Variants in PLOD2 observed in about 807,000 individuals in gnomAD.
PLOD2 encodes the protein lysine hydroxylase 2.
PLOD2 carries 65 observed loss-of-function variants against 101.0 expected under a neutral mutation model. The observed-to-expected ratio is 0.64, with a 90% CI of 0.53 to 0.79. The LOEUF (loss-of-function observed/expected upper bound fraction) is 0.79, where lower values mean the gene tolerates loss of function less well. Ranked by LOEUF, PLOD2 falls within the 30% of genes least tolerant of loss-of-function variation. The pLI, the probability that PLOD2 is intolerant of heterozygous loss-of-function variation, is 0.00. For missense variants in PLOD2, 909 were observed against 914.6 expected (o/e 0.99, Z 0.08); for synonymous variants, 314 against 302.9 (o/e 1.04, Z -0.38).
chr3:146,133,189 TA>T (rs1379286436), intron 1 of PLOD2, among the ~76,000 whole-genome samples: 1 of 151,954 alleles, frequency 6.6e-6, no homozygotes, highest in African/African-American at 2.4e-5. Flanking sequence ...AAAATAAAAA[TA>T]AAAGGCTCCA....
chr3:146,123,600 GCAAA>G (rs1364999935), intron 2 of PLOD2, among the ~76,000 whole-genome samples: 2 of 151,884 alleles, frequency 1.3e-5, no homozygotes, highest in African/African-American at 4.8e-5. Context: ...CTAATTCCCT[GCAAA>G]CAAAGAATCA....
intron 1 of PLOD2, among the ~76,000 whole-genome samples, chr3:146,155,014 T>G (rs2032231899): frequency 1.3e-5 from 2 of 152,250 alleles, no homozygotes; most frequent in African/African-American, 4.8e-5. Context: ...AAACAAAAAC[T>G]TATTTGAAGA....
chr3:146,072,228 A>G (rs1362939664), intron 17 of PLOD2, among the ~76,000 whole-genome samples: 3 of 150,938 alleles, frequency 2.0e-5, no homozygotes, highest in African/African-American at 7.3e-5. Flanking sequence ...TGAAAACGCA[A>G]GGAATAAAAA....
chr3:146,089,252 T>C (rs774042601), intron 8 of PLOD2, among the ~76,000 whole-genome samples: 7 of 151,482 alleles, frequency 4.6e-5, no homozygotes, highest in Non-Finnish European at 8.9e-5. Flanking sequence ...ATATATCTTA[T>C]CTTAATGTAT....
At chr3:146,158,924 C>T (rs763387784) in intron 1 of PLOD2, among the ~76,000 whole-genome samples, 1 of 152,078 alleles carries the variant, frequency 6.6e-6, no homozygotes, top group Non-Finnish European at 1.5e-5. Context: ...AATTTAGGGT[C>T]CTATAGAAGA....
chr3:146,120,285 G>T (rs1482670153), intron 3 of PLOD2, among the ~76,000 whole-genome samples: 1 of 151,990 alleles, frequency 6.6e-6, no homozygotes, highest in Non-Finnish European at 1.5e-5. Context: ...CTTTTTGATG[G>T]CCCTATTTGT....
At chr3:146,106,125 T>C (rs1937531189) in intron 5 of PLOD2, among the ~76,000 whole-genome samples, 1 of 152,214 alleles carries the variant, frequency 6.6e-6, no homozygotes, top group African/African-American at 2.4e-5. Context: ...ACCTATTCTG[T>C]TATTTTAAGG....
rs1037830967 is a variant in PLOD2 at position 146,160,963 on chromosome 3, C to T, written c.27G>A (p.Gln9=). MGGCTVKP[Q]LLLLALVLHP... is the part of the protein sequence containing the mutation. ...GGAGGACGAGCGCCAGGAGCAGCAG[C>T]TGAGGCTTCACCGTGCATCCCCCCA... The change falls in exon 1 of 20, where the codon CAG becomes CAA. Residue 9 remains glutamine (Q), a synonymous_variant. Transcript: ENST00000282903. 1.3e-6 allele frequency: 2 copies of T among 1,596,442 alleles called. No homozygotes were observed. The highest frequency in any genetic ancestry group is 3.4e-5 in the Admixed American group (2 of 58,074).
chr3:146,092,393 G>GT (rs1164992354), intron 7 of PLOD2, among the ~76,000 whole-genome samples: 1 of 151,944 alleles, frequency 6.6e-6, no homozygotes, highest in Non-Finnish European at 1.5e-5. Flanking sequence ...AGTAAGCTTT[G>GT]TCACCAAAAG....
rs542279040 is a variant in PLOD2, at chr3:146,108,716, A to C, written c.502+1569T>G. Reference sequence around the variant, plus strand: ...CTTAATTAAACTGACTTACAACTGCACTTGCTTGCTAATTTCTTGCTGCTT... The same window carrying C: ...CTTAATTAAACTGACTTACAACTGCCCTTGCTTGCTAATTTCTTGCTGCTT... On this transcript the variant is annotated intron_variant, in intron 4 of 19. Transcript: ENST00000282903. 2.6e-5 allele frequency among the ~76,000 whole-genome samples: 4 copies of C among 152,278 alleles called. No homozygotes were observed. In the South Asian group the frequency reaches 6.2e-4, roughly 24 times the overall value.
intron 7 of PLOD2, among the ~76,000 whole-genome samples, chr3:146,101,096 G>A (rs955438758): frequency 1.3e-5 from 2 of 152,146 alleles, no homozygotes; most frequent in African/African-American, 4.8e-5. Flanking sequence ...ATAAGGGGAG[G>A]TAATGCTGCA....
intron 1 of PLOD2, among the ~76,000 whole-genome samples, chr3:146,145,852 A>G (rs2031749489): frequency 1.3e-5 from 2 of 152,148 alleles, no homozygotes; most frequent in Admixed American, 1.3e-4. Context: ...GAATTTACTG[A>G]AAGTTATAGG....
intron 1 of PLOD2, among the ~76,000 whole-genome samples, chr3:146,148,338 G>GCGCGCACACACA (rs71633958): frequency 6.8e-5 from 10 of 146,546 alleles, no homozygotes; most frequent in African/African-American, 2.3e-4. Flanking sequence ...AGGCAGGCAC[G>GCGCGCACACACA]CACACACACA....
intron 16 of PLOD2, 141 bp from the exon 17 acceptor site, chr3:146,072,806 T>C: frequency 1.5e-6 from 1 of 649,086 alleles, no homozygotes; most frequent in East Asian, 2.7e-5. Context: ...TTGACAGTAT[T>C]TTTTTTCTCA....
intron 7 of PLOD2, among the ~76,000 whole-genome samples, chr3:146,095,558 C>T (rs1009245655): frequency 3.3e-5 from 5 of 152,186 alleles, no homozygotes; most frequent in South Asian, 2.1e-4. Context: ...CTGGAAATAA[C>T]GGATGCTGGT....
intron 1 of PLOD2, among the ~76,000 whole-genome samples, chr3:146,149,032 T>C (rs1384679372): frequency 6.6e-6 from 1 of 152,212 alleles, no homozygotes; most frequent in East Asian, 1.9e-4. Context: ...CAGGGAAGAA[T>C]TCAGTGTCAC....
At chr3:146,109,105 CT>C (rs1365510966) in intron 4 of PLOD2, among the ~76,000 whole-genome samples, 6 of 152,172 alleles carry the variant, frequency 3.9e-5, no homozygotes, top group Non-Finnish European at 8.8e-5. Flanking sequence ...CAGAGAAAGA[CT>C]GCTAAGGCAA....
intron 9 of PLOD2, among the ~76,000 whole-genome samples, chr3:146,087,544 T>C (rs1334407069): frequency 6.6e-6 from 1 of 151,916 alleles, no homozygotes; most frequent in Non-Finnish European, 1.5e-5. Context: ...CAGGTAAGAT[T>C]ATCTGTCTCC....
intron 1 of PLOD2, among the ~76,000 whole-genome samples, chr3:146,159,246 T>C (rs2032450566): frequency 6.6e-6 from 1 of 152,242 alleles, no homozygotes; most frequent in Non-Finnish European, 1.5e-5. Flanking sequence ...GGTCGTTTCC[T>C]GAGGAAACTT....
Sources: gnomAD v4.1 joint callset for allele counts (sites outside exome capture counted in the v4.1 genomes callset) on GRCh38, gnomAD v4.1.1 for gene constraint, MANE v1.5 for transcripts, NCBI Gene and HGNC (gene_info 2026-07-23, HGNC 2026-07-21) for gene names.